Variants in NEMP2 observed in about 807,000 individuals in gnomAD.
NEMP2 encodes UPF0571 transmembrane protein.
In NEMP2, 53 loss-of-function variants were observed where a neutral mutation model predicts 54.2. The ratio of observed to expected loss-of-function variants is 0.98; its 90% CI spans 0.78 to 1.23. The LOEUF (loss-of-function observed/expected upper bound fraction) is 1.23. NEMP2 is among the 50% of genes most tolerant of loss of function. The pLI, the probability that NEMP2 is intolerant of heterozygous loss-of-function variation, is 0.00. For missense variants in NEMP2, 455 were observed against 511.3 expected, an observed-to-expected ratio of 0.89 and a Z score of 1.06; for synonymous variants, 197 against 190.3, an observed-to-expected ratio of 1.04 and a Z score of -0.29.
chr2:190,647,717 T>C, the NEMP2 span, among the ~76,000 whole-genome samples: 1 of 143,608 alleles, frequency 7.0e-6, no homozygotes, highest in African/African-American at 2.6e-5. Flanking sequence ...CTTCTTTTTT[T>C]TTTTTTTTTT....
the NEMP2 span, among the ~76,000 whole-genome samples, chr2:190,450,473 CTTTT>C: frequency 8.3e-6 from 1 of 119,864 alleles, no homozygotes; most frequent in African/African-American, 2.9e-5. Flanking sequence ...CTAACTTTTT[CTTTT>C]TCTCTTTTTC....
rs1327303562 is a variant in NEMP2, at chr2:190,521,704, G to C, written c.214-2521C>G. On this transcript the variant is annotated intron_variant, in intron 2 of 8. Transcript: ENST00000409150. This position sits in a 1 kb window ranked among gnomAD's most constrained non-coding sequence, Gnocchi z 6.2. ...AGGCCACCCTGACAAGGTCACTGGT[G>C]CTTCCATGTTGCTAACTCAAATGCC... Among the ~76,000 whole-genome samples, 2 of 152,160 alleles carry C rather than the reference G, an allele frequency of 1.3e-5. No individual in the cohort carries two copies. The highest frequency in any genetic ancestry group is 2.9e-5 in the Non-Finnish European group (2 of 68,032).
chr2:190,436,490 CTGCTA>C, the NEMP2 span: 1 of 1,614,226 alleles, frequency 6.2e-7, no homozygotes, highest in South Asian at 1.1e-5. The surrounding 1 kb of genome is among the most constrained non-coding windows in gnomAD (Gnocchi z 5.3). Flanking sequence ...TTTGTCAAAC[CTGCTA>C]CCTTGAGATG....
At chr2:190,469,809 C>T in the NEMP2 span, 3 of 1,608,770 alleles carry the variant, frequency 1.9e-6, no homozygotes, top group African/African-American at 2.7e-5. This position sits in a 1 kb window ranked among gnomAD's most constrained non-coding sequence, Gnocchi z 5.3. Context: ...TTTATATTTC[C>T]TACCTGGAGA....
At chr2:190,566,795 G>A in the NEMP2 span, among the ~76,000 whole-genome samples, 1 of 151,890 alleles carries the variant, frequency 6.6e-6, no homozygotes, top group Non-Finnish European at 1.5e-5. Flanking sequence ...CACTCACCTA[G>A]GAAATATAGG....
At chr2:190,575,664 G>A in the NEMP2 span, among the ~76,000 whole-genome samples, 194 of 152,272 alleles carry the variant, frequency 1.3e-3, no homozygotes, top group African/African-American at 3.9e-3. Context: ...AGACCAGCCC[G>A]GCCAACATGG....
In NEMP2 at chr2:190,518,770, C is replaced by T; in HGVS notation, c.484G>A (p.Val162Ile). 1.3e-6 allele frequency: 2 copies of T among 1,546,642 alleles called. No individual in the cohort carries two copies. The highest frequency in any genetic ancestry group is 1.7e-6 in the Non-Finnish European group (2 of 1,145,864). Reference sequence around the variant, plus strand: ...GTCCTTGCATAAAAGAAAAGAAAAACTCCTGCCACAAACACAAGGAAGAGT... The same window carrying T: ...GTCCTTGCATAAAAGAAAAGAAAAATTCCTGCCACAAACACAAGGAAGAGT... ...FKLFLVFVAG[V>I]FLFFYARTLS... The change falls in exon 4 of 9, where the codon GTT becomes ATT. Residue 162 changes from valine (V) to isoleucine (I), a missense_variant. Physicochemically the swap from Val to Ile is conservative, Grantham distance 29. This residue lies in a region of NEMP2 where 294 missense variants were observed against 333.6 expected (regional missense o/e 0.88). Coordinates refer to ENST00000409150, the MANE Select transcript of NEMP2 (RefSeq NM_001142645.2).
At chr2:190,560,334 T>C in the NEMP2 span, among the ~76,000 whole-genome samples, 1 of 152,192 alleles carries the variant, frequency 6.6e-6, no homozygotes, top group African/African-American at 2.4e-5. This position sits in a 1 kb window ranked among gnomAD's most constrained non-coding sequence, Gnocchi z 5.4. Flanking sequence ...CACTTCTTTT[T>C]TTCTTTATTC....
the NEMP2 span, among the ~76,000 whole-genome samples, chr2:190,549,449 G>A: frequency 2.6e-5 from 4 of 152,186 alleles, no homozygotes; most frequent in Admixed American, 6.5e-5. Context: ...TGCAGTTCAT[G>A]TAGAAAAGGC....
chr2:190,469,436 C>G, the NEMP2 span: 1 of 157,594 alleles, frequency 6.3e-6, no homozygotes, highest in Non-Finnish European at 1.4e-5. The surrounding 1 kb of genome is among the most constrained non-coding windows in gnomAD (Gnocchi z 5.3). Context: ...TGCGCCCAGA[C>G]TATCTTAAAA....
the NEMP2 span, among the ~76,000 whole-genome samples, chr2:190,601,863 A>C: frequency 6.6e-6 from 1 of 152,248 alleles, no homozygotes; most frequent in Non-Finnish European, 1.5e-5. This position sits in a 1 kb window ranked among gnomAD's most constrained non-coding sequence, Gnocchi z 5.8. Context: ...AATCCCTGCC[A>C]TTAAGTAGCT....
At chr2:190,606,175 T>C in the NEMP2 span, among the ~76,000 whole-genome samples, 1 of 152,202 alleles carries the variant, frequency 6.6e-6, no homozygotes, top group Non-Finnish European at 1.5e-5. Flanking sequence ...GTGGCCTTTT[T>C]TTCTAACTTC....
the NEMP2 span, among the ~76,000 whole-genome samples, chr2:190,567,605 G>A: frequency 6.6e-6 from 1 of 152,076 alleles, no homozygotes; most frequent in Non-Finnish European, 1.5e-5. The surrounding 1 kb of genome is among the most constrained non-coding windows in gnomAD (Gnocchi z 4.0). Context: ...ATTGGACTAG[G>A]GAAAGCAATG....
chr2:190,584,931 G>C, the NEMP2 span, among the ~76,000 whole-genome samples: 1 of 148,302 alleles, frequency 6.7e-6, no homozygotes, highest in African/African-American at 2.5e-5. The surrounding 1 kb of genome is among the most constrained non-coding windows in gnomAD (Gnocchi z 4.2). Flanking sequence ...AAGAAAGAAA[G>C]AAAGAAAGAA....
At chr2:190,430,740 G>A in the NEMP2 span, among the ~76,000 whole-genome samples, 3 of 151,184 alleles carry the variant, frequency 2.0e-5, no homozygotes, top group Non-Finnish European at 4.4e-5. Context: ...CAGACGGGGT[G>A]GTGGCCAGGC....
At chr2:190,487,806 G>A in the NEMP2 span, among the ~76,000 whole-genome samples, 1 of 152,334 alleles carries the variant, frequency 6.6e-6, no homozygotes, top group East Asian at 1.9e-4. This position sits in a 1 kb window ranked among gnomAD's most constrained non-coding sequence, Gnocchi z 5.5. Context: ...ATGTAAAATG[G>A]TACAGCTACT....
At chr2:190,445,458 A>AC in the NEMP2 span, among the ~76,000 whole-genome samples, 20 of 13,938 alleles carry the variant, frequency 1.4e-3, no homozygotes, top group African/African-American at 2.2e-3. Flanking sequence ...CCCCAATCAC[A>AC]AAAAAAAAAA....
chr2:190,526,045 TTAAGGCACTAACAA>T (rs1049309706), intron 1 of NEMP2, among the ~76,000 whole-genome samples: 35 of 152,250 alleles, frequency 2.3e-4, no homozygotes, highest in Admixed American at 8.5e-4. Context: ...ATGGACAGGG[TTAAGGCACTAACAA>T]TAAGGCACTA....
the NEMP2 span, among the ~76,000 whole-genome samples, chr2:190,561,682 G>T: frequency 6.6e-6 from 1 of 152,116 alleles, no homozygotes. This position sits in a 1 kb window ranked among gnomAD's most constrained non-coding sequence, Gnocchi z 5.4. Flanking sequence ...GAGGTTGGTG[G>T]GAGAGGTAGG....
Sources: allele counts gnomAD v4.1 joint callset (sites outside exome capture counted in the v4.1 genomes callset), GRCh38; gene constraint gnomAD v4.1.1; regional missense constraint gnomAD v4.1.1; non-coding constraint Gnocchi (gnomAD v3.1); transcripts MANE v1.5; gene names NCBI Gene and HGNC (gene_info 2026-07-23, HGNC 2026-07-21).